The following CSMD1 variants were observed in gnomAD, a reference collection of about 807,000 sequenced individuals.
The protein encoded by CSMD1 is CUB and sushi domain-containing protein 1.
A neutral mutation model predicts 417.5 loss-of-function variants in CSMD1; 213 were observed. That is an observed-to-expected ratio of 0.51 (90% CI 0.46 to 0.57). The LOEUF (loss-of-function observed/expected upper bound fraction) is 0.57, where lower values mean the gene tolerates loss of function less well. Ranked by LOEUF, CSMD1 falls within the 20% of genes least tolerant of loss-of-function variation. The probability of loss-of-function intolerance (pLI) is 0.00; values close to 1 mark genes in which losing one functional copy is unlikely to be tolerated. For missense variants in CSMD1, 6,923 were observed against 4,529.7 expected (o/e 1.53, Z -15.17); for synonymous variants, 2,862 against 1,736.8 (o/e 1.65, Z -16.11).
chr8:3,870,025 A>G lies in CSMD1; in HGVS notation c.819-115983T>C, dbSNP rs189841705. ...AAAGTGTAAAGAAATACATTAAACAAAAAGTAGGCGTCTCTTCATTGCTTA... is the reference window on the plus strand; with the variant it reads ...AAAGTGTAAAGAAATACATTAAACAGAAAGTAGGCGTCTCTTCATTGCTTA... On this transcript the variant is annotated intron_variant, in intron 5 of 69. Transcript: ENST00000635120. 7.2e-5 allele frequency among the ~76,000 whole-genome samples: 11 copies of G among 152,324 alleles called. No individual in the cohort carries two copies. The South Asian group carries it at 1.2e-3, about 17-fold the overall frequency.
chr8:4,799,725 G>A (rs913976788), intron 1 of CSMD1, among the ~76,000 whole-genome samples: 4 of 149,816 alleles, frequency 2.7e-5, no homozygotes, highest in African/African-American at 9.8e-5. Context: ...AAACAAAATT[G>A]GCATTACATG....
chr8:3,155,694 A>G (rs1342991421), intron 39 of CSMD1, among the ~76,000 whole-genome samples: 1 of 152,136 alleles, frequency 6.6e-6, no homozygotes, highest in East Asian at 1.9e-4. Context: ...CGTCTGTAAA[A>G]GTAGCTCAAT....
rs200201744 is a variant in CSMD1, at chr8:4,400,690, CT to C, written c.415+19262del. 1.1e-4 allele frequency among the ~76,000 whole-genome samples: 16 copies of C among 149,534 alleles called. No homozygotes were observed. The East Asian group carries it at 2.0e-3, about 18-fold the overall frequency. ...TTTTAGGCCGTTCAGGCTAATTTGC[CT>C]TTTTTTTCAGATTTTTTAATGGACA... is the stretch of plus-strand genomic sequence containing the variant. On this transcript the variant is annotated intron_variant, in intron 3 of 69. Transcript: ENST00000635120.
At chr8:4,120,960 C>T (rs902244911) in intron 3 of CSMD1, among the ~76,000 whole-genome samples, 1 of 152,142 alleles carries the variant, frequency 6.6e-6, no homozygotes, top group Admixed American at 6.5e-5. Context: ...ACTTTTCTTA[C>T]ATGGTCATGG....
At chr8:3,277,786 C>T (rs1802417301) in intron 26 of CSMD1, among the ~76,000 whole-genome samples, 1 of 152,074 alleles carries the variant, frequency 6.6e-6, no homozygotes, top group Non-Finnish European at 1.5e-5. Context: ...TTAGGAGTAC[C>T]AGAATTGGAC....
At chr8:3,344,191 C>G (rs1279024404) in intron 22 of CSMD1, among the ~76,000 whole-genome samples, 1 of 152,168 alleles carries the variant, frequency 6.6e-6, no homozygotes, top group Non-Finnish European at 1.5e-5. Flanking sequence ...GGAGACAGGT[C>G]ACATGGTGGG....
chr8:3,697,879 T>C (rs1395401083), intron 7 of CSMD1, among the ~76,000 whole-genome samples: 1 of 152,150 alleles, frequency 6.6e-6, no homozygotes, highest in Non-Finnish European at 1.5e-5. Flanking sequence ...GAATGTGCTC[T>C]CTAGCCATTA....
intron 2 of CSMD1, among the ~76,000 whole-genome samples, chr8:4,458,513 G>A (rs202223645): frequency 3.3e-5 from 5 of 152,000 alleles, no homozygotes; most frequent in African/African-American, 9.7e-5. Context: ...TGAAAATTCT[G>A]TATAGTGTGA....
At chr8:4,545,539 A>G (rs903915342) in intron 2 of CSMD1, among the ~76,000 whole-genome samples, 4 of 152,200 alleles carry the variant, frequency 2.6e-5, no homozygotes, top group Non-Finnish European at 5.9e-5. Flanking sequence ...ATCTACATAT[A>G]TAAAAATGTA....
chr8:4,589,834 G>A (rs73659108), intron 2 of CSMD1, among the ~76,000 whole-genome samples: 34,310 of 152,048 alleles, frequency 0.23, 4,981 homozygotes, highest in African/African-American at 0.42. Flanking sequence ...GGCAGTTTCT[G>A]GAATGCAGCG....
intron 2 of CSMD1, among the ~76,000 whole-genome samples, chr8:4,450,609 A>G (rs549546173): frequency 6.6e-6 from 1 of 152,226 alleles, no homozygotes; most frequent in African/African-American, 2.4e-5. Context: ...CCAGCCTGGT[A>G]ACAGAGTGAC....
intron 2 of CSMD1, among the ~76,000 whole-genome samples, chr8:4,451,746 C>A (rs543792303): frequency 4.6e-5 from 7 of 151,920 alleles, no homozygotes; most frequent in East Asian, 1.9e-4. Context: ...AACAAGGCAT[C>A]GAATGATACA....
chr8:3,788,877 T>C (rs2623675), intron 5 of CSMD1, among the ~76,000 whole-genome samples: 149,209 of 152,304 alleles, frequency 0.98, 73,167 homozygotes, highest in East Asian at 1. Flanking sequence ...GCCCATTTTA[T>C]ACCTGAAGAA....
chr8:3,911,123 G>T lies in CSMD1; in HGVS notation c.818+86780C>A, dbSNP rs537889082. 2.0e-4 allele frequency among the ~76,000 whole-genome samples: 30 copies of T among 152,230 alleles called. No homozygotes were observed. The South Asian group carries it at 4.2e-3, about 21-fold the overall frequency. Reference sequence around the variant, plus strand: ...GCAGCTGTGGTTTACTGGACAGGTTGCCAATCACAGGACTCAAAGAGCTCT... The same window carrying T: ...GCAGCTGTGGTTTACTGGACAGGTTTCCAATCACAGGACTCAAAGAGCTCT... On this transcript the variant is annotated intron_variant, in intron 5 of 69. Coordinates refer to ENST00000635120, the MANE Select transcript of CSMD1 (RefSeq NM_033225.6).
intron 1 of CSMD1, among the ~76,000 whole-genome samples, chr8:4,976,492 C>T (rs1248737267): frequency 1.3e-5 from 2 of 152,148 alleles, no homozygotes; most frequent in African/African-American, 2.4e-5. Context: ...TATAATATTA[C>T]GTTGTTTTTT....
intron 3 of CSMD1, among the ~76,000 whole-genome samples, chr8:4,130,643 G>C (rs921379052): frequency 2.6e-5 from 4 of 152,084 alleles, no homozygotes; most frequent in Admixed American, 2.0e-4. Context: ...TTGTGAACTT[G>C]TGACTTTGAA....
At chr8:3,809,600 G>A (rs1054372149) in intron 5 of CSMD1, among the ~76,000 whole-genome samples, 1 of 152,024 alleles carries the variant, frequency 6.6e-6, no homozygotes, top group Non-Finnish European at 1.5e-5. Flanking sequence ...GGCCCCACCT[G>A]CAGAGTGTCT....
intron 5 of CSMD1, among the ~76,000 whole-genome samples, chr8:3,961,459 T>G (rs1812314775): frequency 1.3e-5 from 2 of 152,180 alleles, no homozygotes; most frequent in South Asian, 4.1e-4. Flanking sequence ...AGATTTAAAT[T>G]AAAAATGACA....
At chr8:3,055,708 A>G (rs980487556) in intron 49 of CSMD1, among the ~76,000 whole-genome samples, 1 of 152,130 alleles carries the variant, frequency 6.6e-6, no homozygotes, top group African/African-American at 2.4e-5. Flanking sequence ...TTTTTTCTTT[A>G]GTTGTACTAA....
Sources: allele counts gnomAD v4.1 joint callset (sites outside exome capture counted in the v4.1 genomes callset), GRCh38; gene constraint gnomAD v4.1.1; transcripts MANE v1.5; gene names NCBI Gene and HGNC (gene_info 2026-07-23, HGNC 2026-07-21).